Variants in DLD observed in about 807,000 individuals in gnomAD.
The protein encoded by DLD is dihydrolipoyl dehydrogenase, mitochondrial.
In DLD, 36 loss-of-function variants were observed where a neutral mutation model predicts 62.2. The ratio of observed to expected loss-of-function variants is 0.58; its 90% CI spans 0.44 to 0.76. The LOEUF (loss-of-function observed/expected upper bound fraction) is 0.76, where lower values mean the gene tolerates loss of function less well. DLD is among the 30% of genes least tolerant of loss of function. DLD has a pLI of 0.00. For synonymous variants in DLD, 204 were observed against 199.6 expected (o/e 1.02, Z -0.19); for missense variants, 541 against 608.6 (o/e 0.89, Z 1.17).
rs776129705 is a variant in DLD, at chr7:107,905,470, C to T, written c.548C>T (p.Thr183Met). 2.5e-6 allele frequency: 4 copies of T among 1,613,758 alleles called. No homozygotes were observed. The highest frequency in any genetic ancestry group is 1.1e-5 in the South Asian group (1 of 91,080). Residue 183 changes from threonine (T) to methionine (M), a missense_variant, in exon 7 of 14, where the codon ACG becomes ATG. Physicochemically the swap from Thr to Met is moderately conservative, Grantham distance 81 (BLOSUM62 -1). Transcript: ENST00000205402. ...VIDTKNILIA[T>M]GSEVTPFPGI... ...GATACAAAGAACATTCTTATAGCCA[C>T]GGGTTCAGAAGTTACTCCTTTTCCT...
At chr7:107,892,838 A>G (rs1318874295) in intron 1 of DLD, among the ~76,000 whole-genome samples, 2 of 152,168 alleles carry the variant, frequency 1.3e-5, no homozygotes, top group Non-Finnish European at 2.9e-5. Context: ...GTGAGCCACC[A>G]CGGCCGGCTC....
chr7:107,899,154 G>A (rs1209037798), intron 2 of DLD, among the ~76,000 whole-genome samples: 4 of 151,940 alleles, frequency 2.6e-5, no homozygotes, highest in Non-Finnish European at 5.9e-5. Flanking sequence ...CAGTGCAGAC[G>A]TGTGTATACT....
rs753902516 is a variant in DLD at position 107,918,991 on chromosome 7, T to C, written c.1375-19T>C. On this transcript the variant is annotated intron_variant, in intron 12 of 13. Transcript: ENST00000205402. The stretch of plus-strand genomic sequence containing the variant: ...GTTTTTGCCTTGGAAGCAAATTTAC[T>C]TGGCTTGTTATTTTAAAGGGTGCTG... 3 of 1,611,692 alleles carry C rather than the reference T, an allele frequency of 1.9e-6. No homozygotes were observed. The highest frequency in any genetic ancestry group is 1.7e-5 in the Admixed American group (1 of 59,996).
At position 107,916,829 on chromosome 7, in the gene DLD, T is replaced by C. The variant is rs150944645; in HGVS notation, c.911T>C (p.Ile304Thr). The C allele has an allele frequency of 8.1e-5, 130 of 1,613,368 alleles. 2 individuals carry two copies. In the African/African-American group the frequency reaches 1.5e-3, roughly 19 times the overall value. ...EAASGGKAEV[I>T]TCDVLLVCIG... Reference sequence around the variant, plus strand: ...GCTTCTGGTGGTAAAGCTGAAGTTATCACTTGTGATGTACTCTTGGTTTGC... The same window carrying C: ...GCTTCTGGTGGTAAAGCTGAAGTTACCACTTGTGATGTACTCTTGGTTTGC... Residue 304 changes from isoleucine to threonine, a missense_variant, in exon 10 of 14, where the codon ATC becomes ACC. Ile to Thr is a moderately conservative substitution (Grantham distance 89, BLOSUM62 -1). Coordinates refer to ENST00000205402, the MANE Select transcript of DLD (RefSeq NM_000108.5).
intron 2 of DLD, among the ~76,000 whole-genome samples, chr7:107,897,191 A>G (rs1229408361): frequency 6.6e-6 from 1 of 152,122 alleles, no homozygotes; most frequent in Non-Finnish European, 1.5e-5. Flanking sequence ...ACTGTGTTTT[A>G]AGGTTATTGA....
intron 5 of DLD, chr7:107,904,650 A>T (rs1490547322): frequency 6.2e-6 from 3 of 487,440 alleles, no homozygotes; most frequent in African/African-American, 5.8e-5. Flanking sequence ...ATTTCTACTT[A>T]CATATCTTCC....
chr7:107,903,159 G>A (rs943210241), intron 4 of DLD, among the ~76,000 whole-genome samples: 2 of 152,158 alleles, frequency 1.3e-5, no homozygotes, highest in African/African-American at 4.8e-5. Flanking sequence ...AGCACTTTGG[G>A]AGGCCGAGGC....
rs924305239 is a variant in DLD at position 107,919,548 on chromosome 7, A to G, written c.*289A>G. The G allele has an allele frequency of 2.0e-5, 5 of 248,172 alleles. No homozygotes were observed. The South Asian group carries it at 2.1e-4, about 10-fold the overall frequency. The allele number at this position is 248,172 out of a possible 1,614,324, so 15.4% of individuals were successfully genotyped here. ...TTTCATGCTGTTCATGAAAGATTCA[A>G]TGCCCCTGAATTTAAATAGCTTTTT... On this transcript the variant is annotated 3_prime_UTR_variant, in exon 14 of 14. Coordinates refer to ENST00000205402, the MANE Select transcript of DLD (RefSeq NM_000108.5).
In DLD at chr7:107,903,374, G is replaced by A. The variant is rs114802532; in HGVS notation, c.268-104G>A. The stretch of plus-strand genomic sequence containing the variant: ...GCTTGGGCAATAAGAACGAAACTCC[G>A]TCTCAAAAAATGAAAAGAAAGACTA... On this transcript the variant is annotated intron_variant, in intron 4 of 13. Transcript: ENST00000205402. The A allele has an allele frequency of 1.4e-3, 1,058 of 771,762 alleles. 7 individuals carry two copies. The African/African-American group carries it at 0.016, about 12-fold the overall frequency. 47.8% of individuals were successfully genotyped at this position (771,762 alleles called of 1,614,324 possible). A position where few individuals can be genotyped will look rare whatever the true frequency, so the allele number is the denominator to read the frequency against.
intron 7 of DLD, 133 bp downstream of exon 7, chr7:107,905,637 G>A (rs2031988161): frequency 1.7e-5 from 17 of 975,384 alleles, no homozygotes; most frequent in Non-Finnish European, 2.5e-5. Context: ...TTCAGCTTTG[G>A]GAAGTTACCT....
intron 8 of DLD, among the ~76,000 whole-genome samples, chr7:107,910,813 T>G (rs1484277445): frequency 6.6e-6 from 1 of 152,188 alleles, no homozygotes; most frequent in Non-Finnish European, 1.5e-5. Flanking sequence ...CTATAAGTAT[T>G]TTGAAATCAG....
chr7:107,904,694 A>G (rs759969268), intron 5 of DLD: 8 of 552,654 alleles, frequency 1.4e-5, no homozygotes, highest in Admixed American at 4.4e-5. Context: ...TTCAGAGGAT[A>G]TGTTATCACA....
chr7:107,891,152 C>T, upstream of DLD: 3 of 1,467,656 alleles, frequency 2.0e-6, no homozygotes, highest in South Asian at 2.3e-5. Flanking sequence ...ATGACGTAGG[C>T]TGCGCCTGTG....
At chr7:107,891,428 C>G in intron 1 of DLD, 139 bp downstream of exon 1, 3 of 937,580 alleles carry the variant, frequency 3.2e-6, no homozygotes, top group Non-Finnish European at 5.1e-6. Context: ...CGCCTCTGCA[C>G]TGGCTCAGCC....
intron 2 of DLD, among the ~76,000 whole-genome samples, chr7:107,893,906 TAA>T (rs1287399969): frequency 6.6e-6 from 1 of 152,218 alleles, no homozygotes; most frequent in African/African-American, 2.4e-5. Flanking sequence ...TGTTTACATT[TAA>T]AAAGTTAATT....
At chr7:107,898,923 G>A (rs919593507) in intron 2 of DLD, among the ~76,000 whole-genome samples, 4 of 152,116 alleles carry the variant, frequency 2.6e-5, no homozygotes, top group African/African-American at 9.7e-5. Context: ...AATTATTCTT[G>A]ACAAGGAGAG....
intron 4 of DLD, among the ~76,000 whole-genome samples, chr7:107,903,256 G>C (rs1262453580): frequency 3.3e-5 from 5 of 152,142 alleles, no homozygotes; most frequent in African/African-American, 1.2e-4. Context: ...AAATTAGCCA[G>C]GCGTGGTGAT....
chr7:107,898,051 T>A (rs1481029203), intron 2 of DLD, among the ~76,000 whole-genome samples: 1 of 152,104 alleles, frequency 6.6e-6, no homozygotes, highest in African/African-American at 2.4e-5. Context: ...TTAATAACAT[T>A]AATTGCCTTG....
chr7:107,892,945 A>G (rs1451270482), intron 1 of DLD, among the ~76,000 whole-genome samples: 1 of 152,220 alleles, frequency 6.6e-6, no homozygotes, highest in African/African-American at 2.4e-5. Flanking sequence ...TTTAAAATTA[A>G]GTTAAATATG....
Sources: gnomAD v4.1 joint callset for allele counts (sites outside exome capture counted in the v4.1 genomes callset) on GRCh38, gnomAD v4.1.1 for gene constraint, MANE v1.5 for transcripts, NCBI Gene and HGNC (gene_info 2026-07-23, HGNC 2026-07-21) for gene names.